CSRNP1: variants seen among roughly 807,000 people sequenced by gnomAD.
CSRNP1 encodes the protein cysteine and serine rich nuclear protein 1.
A neutral mutation model predicts 25.0 loss-of-function variants in CSRNP1; 8 were observed. That is an observed-to-expected ratio of 0.32 (90% CI 0.19 to 0.58). The LOEUF (loss-of-function observed/expected upper bound fraction) is 0.58, where lower values mean the gene tolerates loss of function less well. Among genes scored for constraint, CSRNP1 ranks in the 20% least tolerant of loss-of-function variants. The pLI is 0.88. For synonymous variants in CSRNP1, 305 were observed against 303.1 expected (o/e 1.01, Z -0.06); for missense variants, 691 against 773.1 (o/e 0.89, Z 1.26).
chr3:39,147,235 G>GTGTATA (rs1553689795), intron 1 of CSRNP1, among the ~76,000 whole-genome samples: 1 of 149,370 alleles, frequency 6.7e-6, no homozygotes, highest in Non-Finnish European at 1.5e-5. Context: ...GTGTGTGTGT[G>GTGTATA]TATGTGTGTG....
chr3:39,146,872 GAGGGCACAGTCTCC>G, intron 1 of CSRNP1, 150 bp from the exon 2 acceptor site: 1 of 1,077,730 alleles, frequency 9.3e-7, no homozygotes, highest in Non-Finnish European at 1.3e-6. Flanking sequence ...CTGTGTGGGG[GAGGGCACAGTCTCC>G]AGGAGGATCT....
chr3:39,150,215 A>C (rs561229428), intron 1 of CSRNP1: 1 of 152,354 alleles, frequency 6.6e-6, no homozygotes, highest in East Asian at 1.9e-4. Context: ...ATAGCAGCCC[A>C]AAGGAAAACA....
chr3:39,143,494 T>C lies in CSRNP1; in HGVS notation c.1331A>G (p.Tyr444Cys), dbSNP rs1162367899. ...PGGLASWTHS[Y>C]SGCSFTSGVL... The stretch of plus-strand genomic sequence containing the variant: ...GCCTGATGTGAAGCTACAGCCAGAA[T>C]AGCTGTGGGTCCAGCTGGCCAGGCC... The change falls in exon 5 of 5, where the codon TAT (tyrosine) becomes TGT (cysteine). Residue 444 changes from tyrosine to cysteine, a missense_variant. Coordinates refer to ENST00000273153, the MANE Select transcript of CSRNP1 (RefSeq NM_033027.4). 17 of 1,614,024 alleles carry C rather than the reference T, an allele frequency of 1.1e-5. No individual in the cohort carries two copies. The highest frequency in any genetic ancestry group is 1.4e-5 in the Non-Finnish European group (16 of 1,179,978).
intron 2 of CSRNP1, among the ~76,000 whole-genome samples, chr3:39,145,764 G>A (rs2039499654): frequency 6.6e-6 from 1 of 152,240 alleles, no homozygotes; most frequent in African/African-American, 2.4e-5. Flanking sequence ...CCAGCTACCA[G>A]AGGGAATTCC....
rs1229893845 is a variant in CSRNP1, at chr3:39,146,462, G to C, written c.205+16C>G. Reference sequence around the variant, plus strand: ...GGCAGGCAGGTGATGGAGTTCCCAGGGGAGGGAGTACTCACGGGTGAAACT... The same window carrying C: ...GGCAGGCAGGTGATGGAGTTCCCAGCGGAGGGAGTACTCACGGGTGAAACT... On this transcript the variant is annotated intron_variant, in intron 2 of 4. Transcript: ENST00000273153. 1 of 1,519,804 alleles carries C rather than the reference G, an allele frequency of 6.6e-7. No homozygotes were observed. Among genetic ancestry groups the C allele is most frequent in the East Asian group, 2.5e-5 (1 of 40,572 alleles). 94.1% of individuals were successfully genotyped at this position (1,519,804 alleles called of 1,614,324 possible).
chr3:39,143,879 C>G lies in CSRNP1; in HGVS notation c.946G>C (p.Ala316Pro). 6.2e-7 allele frequency: 1 copy of G among 1,614,194 alleles called. No individual in the cohort carries two copies. The highest frequency in any genetic ancestry group is 1.3e-5 in the African/African-American group (1 of 75,066). Residue 316 changes from alanine to proline, a missense_variant, in exon 5 of 5, where the codon GCC (alanine) becomes CCC (proline). By Grantham distance (27) the Ala-to-Pro change is conservative (BLOSUM62 -1). Coordinates refer to ENST00000273153, the MANE Select transcript of CSRNP1 (RefSeq NM_033027.4). ...CCAGGGCTGGGTGGGCTGCCCTGGG[C>G]AGGGGCCTCCAGCTCCCTAAAGCTC... ...AESFRELEAP[A>P]QGSPPSPGEE...
Position 39,142,869 on chromosome 3 carries a change from C to G in CSRNP1, c.*186G>C. 1 of 655,242 alleles carries G rather than the reference C, an allele frequency of 1.5e-6. No individual in the cohort carries two copies. The highest frequency in any genetic ancestry group is 2.4e-6 in the Non-Finnish European group (1 of 421,364). The allele number at this position is 655,242 out of a possible 1,614,324, so 40.6% of individuals were successfully genotyped here. A position where few individuals can be genotyped will look rare whatever the true frequency, so the allele number is the denominator to read the frequency against. On this transcript the variant is annotated 3_prime_UTR_variant, in exon 5 of 5. Coordinates refer to ENST00000273153, the MANE Select transcript of CSRNP1 (RefSeq NM_033027.4). ...GGGGAAGCCCCCTCCCCCCAGTCCT[C>G]TCTTCAGCACAGAAAAGTTAAAACA...
Position 39,146,639 on chromosome 3 carries a change from T to C in CSRNP1, c.44A>G (p.Asp15Gly), listed in dbSNP as rs1352163268. 1 of 1,571,832 alleles carries C rather than the reference T, an allele frequency of 6.4e-7. No individual in the cohort carries two copies. The highest frequency in any genetic ancestry group is 1.9e-5 in the Admixed American group (1 of 53,858). ...LKRKFDQLDE[D>G]NSSVSSSSSS... ...GGAGGAGGAGGAGACCGAGGAGTTGTCCTCATCCAGCTGGTCAAATTTCCT... is the reference window on the plus strand; with the variant it reads ...GGAGGAGGAGGAGACCGAGGAGTTGCCCTCATCCAGCTGGTCAAATTTCCT... The change falls in exon 2 of 5, where the codon GAC becomes GGC. Residue 15 changes from aspartate (D) to glycine (G), a missense_variant. Transcript: ENST00000273153.
At chr3:39,151,197 G>A (rs1222154364) in intron 1 of CSRNP1, 1 of 152,346 alleles carries the variant, frequency 6.6e-6, no homozygotes, top group East Asian at 1.9e-4. Context: ...GGAAGGAAAA[G>A]CAGTTCCCAG....
At position 39,143,711 on chromosome 3, in the gene CSRNP1, G is replaced by A. The variant is rs764216869; in HGVS notation, c.1114C>T (p.Pro372Ser). The change falls in exon 5 of 5, where the codon CCC becomes TCC. Residue 372 changes from proline (P) to serine (S), a missense_variant. By Grantham distance (74) the Pro-to-Ser change is moderately conservative. Coordinates refer to ENST00000273153, the MANE Select transcript of CSRNP1 (RefSeq NM_033027.4). ...ASGTSEAPDCPTHPGLPGPGF... is the reference protein window; with the variant it reads ...ASGTSEAPDCSTHPGLPGPGF... ...GGGCCAGGCAGGCCTGGGTGGGTGG[G>A]GCAGTCAGGAGCCTCACTAGTGCCC... The A allele has an allele frequency of 8.3e-5, 134 of 1,614,108 alleles. No individual in the cohort carries two copies. The highest frequency in any genetic ancestry group is 1.1e-4 in the Non-Finnish European group (133 of 1,180,044).
At chr3:39,146,361 G>C in intron 2 of CSRNP1, 117 bp downstream of exon 2, 3 of 1,284,218 alleles carry the variant, frequency 2.3e-6, no homozygotes, top group Non-Finnish European at 2.1e-6. Context: ...GCTCATGAGA[G>C]CTACCGCCAT....
chr3:39,146,418 A>G, intron 2 of CSRNP1, 60 bp downstream of exon 2: 1 of 1,475,422 alleles, frequency 6.8e-7, no homozygotes, highest in Non-Finnish European at 9.0e-7. Flanking sequence ...AGGGACTTCT[A>G]AATTTCATCT....
intron 1 of CSRNP1, 111 bp from the exon 2 acceptor site, chr3:39,146,833 C>T: frequency 1.4e-6 from 2 of 1,408,284 alleles, no homozygotes; most frequent in South Asian, 2.8e-5. Context: ...AGACCCTGGC[C>T]TCTGCCCTCC....
Position 39,143,189 on chromosome 3 carries a change from C to T in CSRNP1, c.1636G>A (p.Gly546Arg), listed in dbSNP as rs1219438525. ...HFPLPGLSPP[G>R]DASSCFLESL... ...TCCAGGAAGCAACTGCTGGCATCCC[C>T]AGGTGGAGACAGGCCAGGCAGGGGG... Residue 546 changes from glycine (G) to arginine (R), a missense_variant, in exon 5 of 5, where the codon GGG (glycine) becomes AGG (arginine). Transcript: ENST00000273153. 1 of 1,614,100 alleles carries T rather than the reference C, an allele frequency of 6.2e-7. No individual in the cohort carries two copies. The highest frequency in any genetic ancestry group is 1.7e-5 in the Admixed American group (1 of 60,012).
At chr3:39,147,895 G>C (rs1559733288) in intron 1 of CSRNP1, among the ~76,000 whole-genome samples, 1 of 152,176 alleles carries the variant, frequency 6.6e-6, no homozygotes, top group Non-Finnish European at 1.5e-5. Flanking sequence ...GGAAGTTGAA[G>C]CTGAGGCCGA....
Position 39,144,243 on chromosome 3 carries a change from C to G in CSRNP1, c.674G>C (p.Arg225Pro). ...GGATTGGCGCAGTGCCTGCAGCTCC[C>G]GCTTCTCCTCCCGATCGATCCTTCG... The part of the protein sequence containing the change: ...GVRRIDREEK[R>P]ELQALRQSRE... The change falls in exon 4 of 5, where the codon CGG becomes CCG. Residue 225 changes from arginine to proline, a missense_variant. Physicochemically the swap from Arg to Pro is moderately radical, Grantham distance 103 (BLOSUM62 -2). Coordinates refer to ENST00000273153, the MANE Select transcript of CSRNP1 (RefSeq NM_033027.4). 6.2e-7 allele frequency: 1 copy of G among 1,614,180 alleles called. No homozygotes were observed. The highest frequency in any genetic ancestry group is 1.3e-5 in the African/African-American group (1 of 75,044).
Position 39,144,470 on chromosome 3 carries a change from G to C in CSRNP1, c.466-19C>G. ...CCGAAAGCTGCATCCACAGGAAAGA[G>C]GGATGTAAGAAGCACAGACATGGAC... is the stretch of plus-strand genomic sequence containing the variant. On this transcript the variant is annotated intron_variant, in intron 3 of 4. Transcript: ENST00000273153. 1 of 1,584,762 alleles carries C rather than the reference G, an allele frequency of 6.3e-7. No homozygotes were observed. Among genetic ancestry groups the C allele is most frequent in the Non-Finnish European group, 8.6e-7 (1 of 1,166,942 alleles).
Position 39,146,711 on chromosome 3 carries a change from G to T in CSRNP1, c.-29C>A. ...GGTGCCGGACGTGCTCTGGGGTCTG[G>T]GGACAGACAGCCTGGAATAGGAATG... On this transcript the variant is annotated 5_prime_UTR_variant, in exon 2 of 5. Transcript: ENST00000273153. 1 of 1,551,594 alleles carries T rather than the reference G, an allele frequency of 6.4e-7. No individual in the cohort carries two copies.
At chr3:39,144,095 G>A (rs1277102777) in intron 4 of CSRNP1, 42 bp downstream of exon 4, 1 of 1,605,548 alleles carries the variant, frequency 6.2e-7, no homozygotes, top group Non-Finnish European at 8.5e-7. Flanking sequence ...GTGCAAAGAA[G>A]TCCCCACGCT....
Sources: gnomAD v4.1 joint callset for allele counts (sites outside exome capture counted in the v4.1 genomes callset) on GRCh38, gnomAD v4.1.1 for gene constraint, MANE v1.5 for transcripts, NCBI Gene and HGNC (gene_info 2026-07-23, HGNC 2026-07-21) for gene names.